The following SH3RF3 variants were observed in gnomAD, a reference collection of about 807,000 sequenced individuals.
The protein encoded by SH3RF3 is SH3 domain containing ring finger 3.
Under a neutral mutation model 66.3 loss-of-function variants are expected in SH3RF3, and 29 were observed. The observed-to-expected ratio is 0.44, with a 90% CI of 0.33 to 0.60. The LOEUF is 0.60. Among genes scored for constraint, SH3RF3 ranks in the 20% least tolerant of loss-of-function variants. The pLI is 0.04. For synonymous variants in SH3RF3, 583 were observed against 532.0 expected, an observed-to-expected ratio of 1.10 and a Z score of -1.32; for missense variants, 1,194 against 1,190.9, an observed-to-expected ratio of 1.00 and a Z score of -0.04.
At chr2:109,215,637 A>C (rs550781213) in intron 1 of SH3RF3, among the ~76,000 whole-genome samples, 1 of 152,194 alleles carries the variant, frequency 6.6e-6, no homozygotes, top group Non-Finnish European at 1.5e-5. Flanking sequence ...GATGCCAGGA[A>C]GGGTGCTGGG....
intron 8 of SH3RF3, among the ~76,000 whole-genome samples, chr2:109,460,683 G>C (rs539247620): frequency 1.3e-5 from 2 of 152,062 alleles, no homozygotes. Context: ...CATTGAAAGA[G>C]GTCTTTTCAC....
intron 8 of SH3RF3, among the ~76,000 whole-genome samples, chr2:109,472,485 C>G (rs1028695959): frequency 1.3e-5 from 2 of 152,198 alleles, no homozygotes; most frequent in Admixed American, 6.5e-5. Context: ...TGGCAGCCAT[C>G]AGGAAGGACT....
chr2:109,287,153 A>G (rs1224014332), intron 1 of SH3RF3, among the ~76,000 whole-genome samples: 1 of 152,214 alleles, frequency 6.6e-6, no homozygotes, highest in East Asian at 1.9e-4. Flanking sequence ...AGAGATAAAA[A>G]AGACCCAGTG....
intron 1 of SH3RF3, among the ~76,000 whole-genome samples, chr2:109,203,992 A>G (rs1678748108): frequency 6.6e-6 from 1 of 152,212 alleles, no homozygotes; most frequent in Non-Finnish European, 1.5e-5. Flanking sequence ...GTGGGCTTGA[A>G]GGGGCTCTGA....
At chr2:109,178,093 A>G (rs1677969243) in intron 1 of SH3RF3, among the ~76,000 whole-genome samples, 1 of 152,140 alleles carries the variant, frequency 6.6e-6, no homozygotes, top group African/African-American at 2.4e-5. Flanking sequence ...AACTAAAAAT[A>G]TTTTCTCTTT....
At chr2:109,197,930 G>A (rs1489098462) in intron 1 of SH3RF3, among the ~76,000 whole-genome samples, 1 of 152,224 alleles carries the variant, frequency 6.6e-6, no homozygotes, top group East Asian at 1.9e-4. Context: ...TGGCCCCTTG[G>A]GCAGCCTTGG....
intron 8 of SH3RF3, among the ~76,000 whole-genome samples, chr2:109,475,679 A>G (rs143497547): frequency 6.6e-6 from 1 of 152,252 alleles, no homozygotes; most frequent in East Asian, 1.9e-4. Context: ...CCCAATTTCT[A>G]CTTTGTGGAT....
intron 1 of SH3RF3, among the ~76,000 whole-genome samples, chr2:109,197,561 G>A (rs1227497075): frequency 6.6e-6 from 1 of 152,256 alleles, no homozygotes; most frequent in Non-Finnish European, 1.5e-5. Flanking sequence ...GGTGGCCGGG[G>A]AGGGGTGGGA....
At position 109,209,776 on chromosome 2, in the gene SH3RF3, C is replaced by T. The variant is rs138454806; in HGVS notation, c.573+79663C>T. 3.3e-5 allele frequency among the ~76,000 whole-genome samples: 5 copies of T among 152,286 alleles called. No homozygotes were observed. In the East Asian group the frequency reaches 9.6e-4, roughly 29 times the overall value. On this transcript the variant is annotated intron_variant, in intron 1 of 9. Coordinates refer to ENST00000309415, the MANE Select transcript of SH3RF3 (RefSeq NM_001099289.3). ...GTAAATGGTTTGTTCACCTCCTGTGCTTACTTGGTAGAATGACAAATTGGA... is the reference window on the plus strand; with the variant it reads ...GTAAATGGTTTGTTCACCTCCTGTGTTTACTTGGTAGAATGACAAATTGGA...
intron 1 of SH3RF3, among the ~76,000 whole-genome samples, chr2:109,162,938 C>T (rs1677523786): frequency 6.6e-6 from 1 of 152,170 alleles, no homozygotes; most frequent in Admixed American, 6.5e-5. Flanking sequence ...TGATGCCTTT[C>T]AAGATAGCTG....
Position 109,325,876 on chromosome 2 carries a change from T to C in SH3RF3, c.574-21798T>C, listed in dbSNP as rs732477. ...TTCCAAATCACTCCTGGGAAAAAGT[T>C]CAGAGAGGGTTGAAAGTATGCATAG... is the stretch of plus-strand genomic sequence containing the variant. On this transcript the variant is annotated intron_variant, in intron 1 of 9. Coordinates refer to ENST00000309415, the MANE Select transcript of SH3RF3 (RefSeq NM_001099289.3). Among the ~76,000 whole-genome samples, 530 of 152,348 alleles carry C rather than the reference T, an allele frequency of 3.5e-3. 5 individuals are homozygous for C. Among genetic ancestry groups the C allele is most frequent in the African/African-American group, 0.012 (496 of 41,584 alleles).
intron 1 of SH3RF3, among the ~76,000 whole-genome samples, chr2:109,264,062 C>G (rs550203868): frequency 1.1e-4 from 17 of 152,334 alleles, no homozygotes; most frequent in Non-Finnish European, 1.6e-4. Flanking sequence ...CTGGGCTGTT[C>G]CAGCTCCTCC....
intron 1 of SH3RF3, among the ~76,000 whole-genome samples, chr2:109,204,842 G>C (rs964153127): frequency 6.6e-6 from 1 of 152,156 alleles, no homozygotes; most frequent in Non-Finnish European, 1.5e-5. Flanking sequence ...ATTTTCTGTA[G>C]CGTGGAAGTG....
At chr2:109,203,955 T>C (rs776909052) in intron 1 of SH3RF3, among the ~76,000 whole-genome samples, 29 of 152,236 alleles carry the variant, frequency 1.9e-4, no homozygotes, top group Non-Finnish European at 3.1e-4. Flanking sequence ...GCAGAGCATC[T>C]GCACGGTGCT....
At chr2:109,254,165 G>T (rs951550941) in intron 1 of SH3RF3, among the ~76,000 whole-genome samples, 1 of 152,156 alleles carries the variant, frequency 6.6e-6, no homozygotes, top group African/African-American at 2.4e-5. Context: ...AAAACATGAA[G>T]AAAATCACAT....
intron 7 of SH3RF3, 75 bp from the exon 8 acceptor site, chr2:109,449,095 A>C (rs919294723): frequency 7.9e-6 from 12 of 1,513,600 alleles, no homozygotes; most frequent in South Asian, 6.5e-5. Flanking sequence ...CTGAGTGTGC[A>C]TTGCAGCTGC....
intron 1 of SH3RF3, among the ~76,000 whole-genome samples, chr2:109,296,929 TGGATTA>T (rs1681325717): frequency 6.6e-6 from 1 of 152,104 alleles, no homozygotes; most frequent in Admixed American, 6.5e-5. Context: ...GGCTGCAGTG[TGGATTA>T]ACTAGGCCTG....
At chr2:109,346,704 C>T (rs565412735) in intron 1 of SH3RF3, among the ~76,000 whole-genome samples, 110 of 152,116 alleles carry the variant, frequency 7.2e-4, no homozygotes, top group Admixed American at 2.7e-3. Context: ...TTGACAGGCT[C>T]CTTATTGCTG....
At chr2:109,135,606 G>A (rs945597137) in intron 1 of SH3RF3, among the ~76,000 whole-genome samples, 15 of 152,118 alleles carry the variant, frequency 9.9e-5, no homozygotes, top group Non-Finnish European at 1.6e-4. Flanking sequence ...TGGTGGATTT[G>A]TGGTATTTAG....
Sources: allele counts gnomAD v4.1 joint callset (sites outside exome capture counted in the v4.1 genomes callset), GRCh38; gene constraint gnomAD v4.1.1; transcripts MANE v1.5; gene names NCBI Gene and HGNC (gene_info 2026-07-23, HGNC 2026-07-21).